Variants in WDR36 observed in about 807,000 individuals in gnomAD.
WDR36 encodes WD repeat domain 36.
In WDR36, 63 loss-of-function variants were observed where a neutral mutation model predicts 112.7. The observed-to-expected ratio is 0.56, with a 90% CI of 0.46 to 0.69. The LOEUF is 0.69. Among genes scored for constraint, WDR36 ranks in the 30% least tolerant of loss-of-function variants. The probability of loss-of-function intolerance (pLI) is 0.00; values close to 1 mark genes in which losing one functional copy is unlikely to be tolerated. For missense variants in WDR36, 1,226 were observed against 1,070.3 expected (o/e 1.15, Z -2.03); for synonymous variants, 410 against 362.2 (o/e 1.13, Z -1.50).
intron 13 of WDR36, 35 bp downstream of exon 13, chr5:111,110,338 A>G (rs201512922): frequency 4.6e-5 from 69 of 1,510,096 alleles, no homozygotes; most frequent in Admixed American, 8.4e-5. Context: ...TTATTAATGT[A>G]GATAGATACA....
intron 11 of WDR36, among the ~76,000 whole-genome samples, chr5:111,106,831 C>G (rs1325837904): frequency 1.3e-5 from 2 of 151,290 alleles, no homozygotes; most frequent in Non-Finnish European, 3.0e-5. Context: ...TCCTATCCCT[C>G]CCAAGAAGAT....
chr5:111,097,027 C>G, intron 2 of WDR36, 52 bp from the exon 3 acceptor site: 2 of 1,346,890 alleles, frequency 1.5e-6, no homozygotes. Flanking sequence ...CTTGAGGTTT[C>G]TCTTTAACAT....
At position 111,103,773 on chromosome 5, in the gene WDR36, A is replaced by G. The variant is rs777858232; in HGVS notation, c.598-13A>G. On this transcript the variant is annotated splice_polypyrimidine_tract_variant and intron_variant, in intron 6 of 22. Transcript: ENST00000513710. ...GCTTAAGAAAGTAAAAGTTTGAATA[A>G]TTTAATTTTTAGGCACCAGCCGTGG... 1.9e-6 allele frequency: 3 copies of G among 1,610,284 alleles called. No homozygotes were observed. Among genetic ancestry groups the G allele is most frequent in the Non-Finnish European group, 2.5e-6 (3 of 1,177,544 alleles).
chr5:111,120,689 CAA>C, intron 18 of WDR36, 96 bp downstream of exon 18: 1 of 1,032,898 alleles, frequency 9.7e-7, no homozygotes, highest in African/African-American at 1.6e-5. Flanking sequence ...TGCATTCAAT[CAA>C]AGTGTTTTTT....
Position 111,097,313 on chromosome 5 carries a change from C to G in WDR36, c.291+134C>G, listed in dbSNP as rs188557513. ...TATTCTTTTTTTTCTAATGTATATT[C>G]AGTTTTCTGGAGGAAGATAAATTTT... On this transcript the variant is annotated intron_variant, in intron 3 of 22. Transcript: ENST00000513710. The G allele has an allele frequency of 1.8e-5, 12 of 684,388 alleles. No homozygotes were observed. In the East Asian group the frequency reaches 3.4e-4, roughly 19 times the overall value. The allele number at this position is 684,388 out of a possible 1,614,324, so 42.4% of individuals were successfully genotyped here.
intron 12 of WDR36, among the ~76,000 whole-genome samples, chr5:111,109,192 C>T (rs1753276271): frequency 2.0e-5 from 3 of 151,200 alleles, no homozygotes; most frequent in African/African-American, 7.3e-5. Context: ...ATACAAGCTC[C>T]TTTAGTTTCT....
At chr5:111,109,968 T>C (rs1458595473) in intron 12 of WDR36, among the ~76,000 whole-genome samples, 1 of 151,508 alleles carries the variant, frequency 6.6e-6, no homozygotes. Context: ...TTTTCTTAGA[T>C]AGTAATTCTT....
At chr5:111,102,943 TC>T (rs546236344) in intron 6 of WDR36, among the ~76,000 whole-genome samples, 156 of 151,832 alleles carry the variant, frequency 1.0e-3, no homozygotes, top group Admixed American at 1.5e-3. Context: ...TATACCCTTA[TC>T]TTTTTCAGTA....
At chr5:111,120,630 ATAT>A in intron 18 of WDR36, 37 bp downstream of exon 18, 1 of 1,529,948 alleles carries the variant, frequency 6.5e-7, no homozygotes, top group Non-Finnish European at 9.1e-7. Context: ...TTGAGGTGTA[ATAT>A]TATAAACCTA....
intron 16 of WDR36, among the ~76,000 whole-genome samples, chr5:111,116,976 C>T (rs901204058): frequency 1.3e-5 from 2 of 152,032 alleles, no homozygotes; most frequent in Admixed American, 1.3e-4. Context: ...TTGAAATTGC[C>T]GTGTTTTAGG....
Position 111,127,386 on chromosome 5 carries a change from A to G in WDR36, c.*503A>G, listed in dbSNP as rs1387230680. 1.0e-5 allele frequency: 2 copies of G among 200,114 alleles called. No homozygotes were observed. Among genetic ancestry groups the G allele is most frequent in the Non-Finnish European group, 2.1e-5 (2 of 97,030 alleles). 12.4% of individuals were successfully genotyped at this position (200,114 alleles called of 1,614,324 possible). ...ATTGCTGAATTAAATTGAAAATGTCAGATAAAACTGATACATGATGTAGTT... is the reference window on the plus strand; with the variant it reads ...ATTGCTGAATTAAATTGAAAATGTCGGATAAAACTGATACATGATGTAGTT... On this transcript the variant is annotated 3_prime_UTR_variant, in exon 23 of 23. Coordinates refer to ENST00000513710, the MANE Select transcript of WDR36 (RefSeq NM_139281.3).
Position 111,128,599 on chromosome 5 carries a change from T to C in WDR36, c.*1716T>C, listed in dbSNP as rs373896741. On this transcript the variant is annotated 3_prime_UTR_variant, in exon 23 of 23. Coordinates refer to ENST00000513710, the MANE Select transcript of WDR36 (RefSeq NM_139281.3). ...AATGATAAGAGCTGTGAACTGAAAT[T>C]GTATTGCTTACAGAAATCATGAACC... 7 of 180,354 alleles carry C rather than the reference T, an allele frequency of 3.9e-5. 1 individual carries two copies. The highest frequency in any genetic ancestry group is 1.3e-4 in the Admixed American group (2 of 15,934). The allele number at this position is 180,354 out of a possible 1,614,324, so 11.2% of individuals were successfully genotyped here. A position where few individuals can be genotyped will look rare whatever the true frequency, so the allele number is the denominator to read the frequency against.
Position 111,092,595 on chromosome 5 carries a change from G to A in WDR36, c.139G>A (p.Gly47Ser), listed in dbSNP as rs200666782. 4.8e-5 allele frequency: 78 copies of A among 1,613,586 alleles called. No individual in the cohort carries two copies. Among genetic ancestry groups the A allele is most frequent in the Middle Eastern group, 1.6e-4 (1 of 6,062 alleles). The change falls in exon 1 of 23, where the codon GGC (glycine) becomes AGC (serine). Residue 47 changes from glycine (G) to serine (S), a missense_variant. By Grantham distance (56) the Gly-to-Ser change is moderately conservative. Coordinates refer to ENST00000513710, the MANE Select transcript of WDR36 (RefSeq NM_139281.3). ...KRRFYVTTCV[G>S]KSFHTYDVQK... is the part of the protein sequence containing the mutation. ...CCGGTTCTATGTAACAACCTGCGTG[G>A]GCAAGAGTTTCCACACCTATGACGT...
intron 9 of WDR36, 49 bp from the exon 10 acceptor site, chr5:111,105,246 C>G: frequency 6.5e-7 from 1 of 1,543,026 alleles, no homozygotes; most frequent in Non-Finnish European, 9.0e-7. Flanking sequence ...TTCACATAGT[C>G]CCTTGTTTTA....
chr5:111,092,547 G>A lies in WDR36; in HGVS notation c.91G>A (p.Val31Met). The change falls in exon 1 of 23, where the codon GTG (valine) becomes ATG (methionine). Residue 31 changes from valine (V) to methionine (M), a missense_variant. By Grantham distance (21) the Val-to-Met change is conservative. Transcript: ENST00000513710. ...GLFSNDIPHV[V>M]RFSALKRRFY... ...TTTCAGCAACGACATTCCACACGTG[G>A]TGCGGTTCAGCGCGCTCAAGCGCCG... 1 of 1,614,216 alleles carries A rather than the reference G, an allele frequency of 6.2e-7. No individual in the cohort carries two copies. The highest frequency in any genetic ancestry group is 8.5e-7 in the Non-Finnish European group (1 of 1,180,044).
intron 16 of WDR36, among the ~76,000 whole-genome samples, chr5:111,116,105 G>C (rs950714880): frequency 1.3e-5 from 2 of 151,022 alleles, no homozygotes; most frequent in Non-Finnish European, 2.9e-5. Flanking sequence ...ACCATGCCTG[G>C]CTAATTTTTT....
At chr5:111,108,047 A>G (rs1262300674) in intron 12 of WDR36, among the ~76,000 whole-genome samples, 1 of 151,050 alleles carries the variant, frequency 6.6e-6, no homozygotes, top group Non-Finnish European at 1.5e-5. Flanking sequence ...TTTGATAGGG[A>G]TTTCATTTTG....
rs183571530 is a variant in WDR36 at position 111,108,802 on chromosome 5, C to T, written c.1326+1363C>T. Among the ~76,000 whole-genome samples the T allele has an allele frequency of 7.3e-5, 11 of 151,296 alleles. No homozygotes were observed. The East Asian group carries it at 1.9e-3, about 27-fold the overall frequency. On this transcript the variant is annotated intron_variant, in intron 12 of 22. Coordinates refer to ENST00000513710, the MANE Select transcript of WDR36 (RefSeq NM_139281.3). ...GTAAGGGGCAGAGCTGGGATTTGAA[C>T]CTAAGACAATTCATTCTAGAATCTA...
Position 111,104,550 on chromosome 5 carries a change from C to G in WDR36, c.907-147C>G. 3 of 1,387,396 alleles carry G rather than the reference C, an allele frequency of 2.2e-6. No homozygotes were observed. In the South Asian group the frequency reaches 3.5e-5, roughly 16 times the overall value. The allele number at this position is 1,387,396 out of a possible 1,614,324, so 85.9% of individuals were successfully genotyped here. A position where few individuals can be genotyped will look rare whatever the true frequency, so the allele number is the denominator to read the frequency against. On this transcript the variant is annotated intron_variant, in intron 8 of 22. Transcript: ENST00000513710. Reference sequence around the variant, plus strand: ...GAAAGAATTACAGTTTATTTCTCCCCCAATACCCACTCCCTCCCTTGTAGC... The same window carrying G: ...GAAAGAATTACAGTTTATTTCTCCCGCAATACCCACTCCCTCCCTTGTAGC...
Sources: allele counts gnomAD v4.1 joint callset (sites outside exome capture counted in the v4.1 genomes callset), GRCh38; gene constraint gnomAD v4.1.1; transcripts MANE v1.5; gene names NCBI Gene and HGNC (gene_info 2026-07-23, HGNC 2026-07-21).